NTSR1: variants seen among roughly 807,000 people sequenced by gnomAD.
The protein encoded by NTSR1 is neurotensin receptor type 1.
Under a neutral mutation model 31.2 loss-of-function variants are expected in NTSR1, and 29 were observed. The observed-to-expected ratio is 0.93, with a 90% CI of 0.69 to 1.27. The LOEUF is 1.27. Ranked by LOEUF, NTSR1 falls within the 50% of genes most tolerant of loss-of-function variation. The pLI, the probability that NTSR1 is intolerant of heterozygous loss-of-function variation, is 0.00. For missense variants in NTSR1, 697 were observed against 595.4 expected (o/e 1.17, Z -1.78); for synonymous variants, 282 against 269.9 (o/e 1.04, Z -0.44).
intron 1 of NTSR1, among the ~76,000 whole-genome samples, chr20:62,725,783 C>T (rs4809582): frequency 0.01 from 1,515 of 151,348 alleles, 60 homozygotes; most frequent in Admixed American, 0.077. Flanking sequence ...GGGAGGAGGA[C>T]GGAGGGAGAG....
In NTSR1 at chr20:62,748,314, T is replaced by C. The variant is rs150261340; in HGVS notation, c.715-6371T>C. ...TAAATGGAAAGATACCTCATGTTCA[T>C]GCATTGCAAGAATTCATATTGTTAA... is the stretch of plus-strand genomic sequence containing the variant. On this transcript the variant is annotated intron_variant, in intron 1 of 3. Coordinates refer to ENST00000370501, the MANE Select transcript of NTSR1 (RefSeq NM_002531.3). Among the ~76,000 whole-genome samples the C allele has an allele frequency of 5.5e-3, 840 of 152,298 alleles. 5 individuals carry two copies. The highest frequency in any genetic ancestry group is 0.019 in the African/African-American group (807 of 41,548).
intron 1 of NTSR1, among the ~76,000 whole-genome samples, chr20:62,735,687 G>T (rs74776647): frequency 0.022 from 3,372 of 152,298 alleles, 122 homozygotes; most frequent in African/African-American, 0.075. Flanking sequence ...CCTGGCTTGG[G>T]GGGTGGGTAA....
rs1219090093 is a variant in NTSR1, at chr20:62,742,254, C to T, written c.715-12431C>T. On this transcript the variant is annotated intron_variant, in intron 1 of 3. Coordinates refer to ENST00000370501, the MANE Select transcript of NTSR1 (RefSeq NM_002531.3). The surrounding 1 kb of genome is among the most constrained non-coding windows in gnomAD (Gnocchi z 7.1). Reference sequence around the variant, plus strand: ...GTCACACGCCTGTTCTCTCTCCAGTCCTGCCCTCAGGGACTCAGAAATGCT... The same window carrying T: ...GTCACACGCCTGTTCTCTCTCCAGTTCTGCCCTCAGGGACTCAGAAATGCT... Among the ~76,000 whole-genome samples, 4 of 149,324 alleles carry T rather than the reference C, an allele frequency of 2.7e-5. 1 individual carries two copies. Among genetic ancestry groups the T allele is most frequent in the African/African-American group, 1.0e-4 (4 of 39,910 alleles).
At position 62,711,184 on chromosome 20, in the gene NTSR1, G is replaced by A. The variant is rs1053546156; in HGVS notation, c.714+1263G>A. Among the ~76,000 whole-genome samples the A allele has an allele frequency of 1.3e-5, 2 of 152,116 alleles. No homozygotes were observed. Among genetic ancestry groups the A allele is most frequent in the South Asian group, 2.1e-4 (1 of 4,826 alleles). ...GTAGAACTGAGCTCCCAGTCTCCCT[G>A]GCTGCACATAGAACTGGTGGCTACA... On this transcript the variant is annotated intron_variant, in intron 1 of 3. Coordinates refer to ENST00000370501, the MANE Select transcript of NTSR1 (RefSeq NM_002531.3). This position sits in a 1 kb window ranked among gnomAD's most constrained non-coding sequence, Gnocchi z 6.4.
chr20:62,718,126 G>T lies in NTSR1; in HGVS notation c.714+8205G>T, dbSNP rs150211409. Among the ~76,000 whole-genome samples, 727 of 152,324 alleles carry T rather than the reference G, an allele frequency of 4.8e-3. 17 individuals are homozygous for T. The highest frequency in any genetic ancestry group is 0.029 in the South Asian group (142 of 4,828). On this transcript the variant is annotated intron_variant, in intron 1 of 3. Transcript: ENST00000370501. ...GCCGGAGCGGAGGGAGCAGAGGGCC[G>T]TGTGAGAAGCCACGGGCAGATCATG... is the stretch of plus-strand genomic sequence containing the variant.
chr20:62,711,183 T>C lies in NTSR1; in HGVS notation c.714+1262T>C, dbSNP rs35927656. On this transcript the variant is annotated intron_variant, in intron 1 of 3. Coordinates refer to ENST00000370501, the MANE Select transcript of NTSR1 (RefSeq NM_002531.3). This position sits in a 1 kb window ranked among gnomAD's most constrained non-coding sequence, Gnocchi z 6.4. ...GGTAGAACTGAGCTCCCAGTCTCCC[T>C]GGCTGCACATAGAACTGGTGGCTAC... is the stretch of plus-strand genomic sequence containing the variant. Among the ~76,000 whole-genome samples the C allele has an allele frequency of 0.45, 67,688 of 151,850 alleles. 16,806 individuals carry two copies. Among genetic ancestry groups the C allele is most frequent in the East Asian group, 0.74 (3,773 of 5,112 alleles).
Position 62,745,177 on chromosome 20 carries a change from C to T in NTSR1, c.715-9508C>T, listed in dbSNP as rs1038583340. Reference sequence around the variant, plus strand: ...TGCCACCTGAGGATGTTGGTACACACACCAGACTCAGAGGGAGACCCAGAC... The same window carrying T: ...TGCCACCTGAGGATGTTGGTACACATACCAGACTCAGAGGGAGACCCAGAC... On this transcript the variant is annotated intron_variant, in intron 1 of 3. Coordinates refer to ENST00000370501, the MANE Select transcript of NTSR1 (RefSeq NM_002531.3). This position sits in a 1 kb window ranked among gnomAD's most constrained non-coding sequence, Gnocchi z 4.1. Among the ~76,000 whole-genome samples the T allele has an allele frequency of 6.6e-6, 1 of 152,184 alleles. No individual in the cohort carries two copies. The highest frequency in any genetic ancestry group is 1.5e-5 in the Non-Finnish European group (1 of 68,014).
chr20:62,730,400 G>A (rs1988982962), intron 1 of NTSR1, among the ~76,000 whole-genome samples: 1 of 152,144 alleles, frequency 6.6e-6, no homozygotes, highest in Non-Finnish European at 1.5e-5. Context: ...TGTAGTTGAG[G>A]TTTCTCCCTG....
intron 1 of NTSR1, among the ~76,000 whole-genome samples, chr20:62,751,970 C>G (rs1352358990): frequency 6.6e-6 from 1 of 152,232 alleles, no homozygotes; most frequent in African/African-American, 2.4e-5. Flanking sequence ...CAGTGACACT[C>G]AGGTACATCC....
intron 1 of NTSR1, among the ~76,000 whole-genome samples, chr20:62,753,116 G>A (rs764273492): frequency 3.3e-5 from 5 of 152,236 alleles, no homozygotes; most frequent in Non-Finnish European, 5.9e-5. Context: ...CTGCTCAAAT[G>A]GAATGTGAGG....
At chr20:62,753,771 A>C (rs1156469920) in intron 1 of NTSR1, among the ~76,000 whole-genome samples, 1 of 152,194 alleles carries the variant, frequency 6.6e-6, no homozygotes, top group Non-Finnish European at 1.5e-5. Flanking sequence ...TCTCCATTGG[A>C]AGCCGGGCCA....
rs1399997048 is a variant in NTSR1, at chr20:62,760,342, C to G, written c.*75C>G. On this transcript the variant is annotated 3_prime_UTR_variant, in exon 4 of 4. Coordinates refer to ENST00000370501, the MANE Select transcript of NTSR1 (RefSeq NM_002531.3). ...CCCCCGACAGACAGAGCAGCCCCCA[C>G]CCGGGAGCCTTGATGGGGGTCAGGC... The G allele has an allele frequency of 6.6e-7, 1 of 1,510,424 alleles. No individual in the cohort carries two copies. Among genetic ancestry groups the G allele is most frequent in the Non-Finnish European group, 8.9e-7 (1 of 1,128,118 alleles). The allele number at this position is 1,510,424 out of a possible 1,614,324, so 93.6% of individuals were successfully genotyped here.
chr20:62,718,031 G>A (rs8114008), intron 1 of NTSR1, among the ~76,000 whole-genome samples: 8,596 of 152,216 alleles, frequency 0.056, 533 homozygotes, highest in African/African-American at 0.16. Context: ...TAGGGGAACA[G>A]CAGGTGCAAA....
rs1198460969 is a variant in NTSR1 at position 62,711,936 on chromosome 20, C to G, written c.714+2015C>G. Among the ~76,000 whole-genome samples the G allele has an allele frequency of 6.6e-6, 1 of 152,252 alleles. No homozygotes were observed. Among genetic ancestry groups the G allele is most frequent in the African/African-American group, 2.4e-5 (1 of 41,464 alleles). The stretch of plus-strand genomic sequence containing the variant: ...TCAACCGTAGGACAGCGGCCCCACG[C>G]CCTGCAGACGCCATGCTGGCCGAGC... On this transcript the variant is annotated intron_variant, in intron 1 of 3. Transcript: ENST00000370501. The surrounding 1 kb of genome is among the most constrained non-coding windows in gnomAD (Gnocchi z 6.4).
At chr20:62,750,631 C>T (rs1989376746) in intron 1 of NTSR1, among the ~76,000 whole-genome samples, 2 of 143,128 alleles carry the variant, frequency 1.4e-5, no homozygotes, top group Admixed American at 7.5e-5. Flanking sequence ...GCGGAGATTG[C>T]AGTGAGCCGA....
At chr20:62,723,244 G>A (rs1600721697) in intron 1 of NTSR1, among the ~76,000 whole-genome samples, 1 of 152,186 alleles carries the variant, frequency 6.6e-6, no homozygotes, top group Non-Finnish European at 1.5e-5. Context: ...AGCTGTTTGG[G>A]AATCATTCCT....
chr20:62,743,790 A>G lies in NTSR1; in HGVS notation c.715-10895A>G, dbSNP rs766287148. On this transcript the variant is annotated intron_variant, in intron 1 of 3. Transcript: ENST00000370501. This position sits in a 1 kb window ranked among gnomAD's most constrained non-coding sequence, Gnocchi z 7.5. The stretch of plus-strand genomic sequence containing the variant: ...AGAAAGGCAGAATACAAAACAAGCA[A>G]TTGCTCTCGAAGAGCGAGGTGAGAA... Among the ~76,000 whole-genome samples, 1 of 152,210 alleles carries G rather than the reference A, an allele frequency of 6.6e-6. No individual in the cohort carries two copies. Among genetic ancestry groups the G allele is most frequent in the African/African-American group, 2.4e-5 (1 of 41,440 alleles).
Position 62,760,418 on chromosome 20 carries a change from C to A in NTSR1, c.*151C>A. 1 of 754,480 alleles carries A rather than the reference C, an allele frequency of 1.3e-6. No homozygotes were observed. The highest frequency in any genetic ancestry group is 2.1e-6 in the Non-Finnish European group (1 of 482,292). 46.7% of individuals were successfully genotyped at this position (754,480 alleles called of 1,614,324 possible). On this transcript the variant is annotated 3_prime_UTR_variant, in exon 4 of 4. Coordinates refer to ENST00000370501, the MANE Select transcript of NTSR1 (RefSeq NM_002531.3). ...AGGCCTGGGACCCCCCCCTCCCACC[C>A]CCTAACCCATGTTTCTCATTAGTGT...
intron 1 of NTSR1, among the ~76,000 whole-genome samples, chr20:62,729,463 G>C (rs577606238): frequency 6.6e-6 from 1 of 152,138 alleles, no homozygotes; most frequent in Non-Finnish European, 1.5e-5. Flanking sequence ...GCCCTCAGGG[G>C]AGGAGAGGGA....
Sources: allele counts gnomAD v4.1 joint callset (sites outside exome capture counted in the v4.1 genomes callset), GRCh38; gene constraint gnomAD v4.1.1; non-coding constraint Gnocchi (gnomAD v3.1); transcripts MANE v1.5; gene names NCBI Gene and HGNC (gene_info 2026-07-23, HGNC 2026-07-21).